Variants in JARID2 observed in about 807,000 individuals in gnomAD.
The protein encoded by JARID2 is jumonji and AT-rich interaction domain containing 2.
JARID2 carries 21 observed loss-of-function variants against 125.6 expected under a neutral mutation model. The ratio of observed to expected loss-of-function variants is 0.17; its 90% CI spans 0.12 to 0.24. The LOEUF (loss-of-function observed/expected upper bound fraction) is 0.24, where lower values mean the gene tolerates loss of function less well. JARID2 is among the 10% of genes least tolerant of loss of function. The pLI is 1.00. For missense variants in JARID2, 1,303 were observed against 1,639.6 expected (o/e 0.79, Z 3.55); for synonymous variants, 736 against 661.6 (o/e 1.11, Z -1.73).
intron 1 of JARID2, among the ~76,000 whole-genome samples, chr6:15,349,287 A>G (rs1763348247): frequency 6.6e-6 from 1 of 152,162 alleles, no homozygotes; most frequent in Non-Finnish European, 1.5e-5. Flanking sequence ...CTAAAGAAAA[A>G]TGTTCCATCT....
intron 3 of JARID2, among the ~76,000 whole-genome samples, chr6:15,448,942 GC>G (rs1767792529): frequency 6.6e-6 from 1 of 151,482 alleles, no homozygotes; most frequent in Non-Finnish European, 1.5e-5. Context: ...ATTGCTTTTT[GC>G]CCCCTTGTTC....
intron 3 of JARID2, among the ~76,000 whole-genome samples, chr6:15,416,725 G>T (rs1051666227): frequency 6.7e-6 from 1 of 150,346 alleles, no homozygotes; most frequent in African/African-American, 2.5e-5. Flanking sequence ...GGGAGAGGGG[G>T]GAGAGGGAGA....
intron 3 of JARID2, among the ~76,000 whole-genome samples, chr6:15,443,242 A>C (rs749140181): frequency 6.6e-6 from 1 of 152,128 alleles, no homozygotes; most frequent in Non-Finnish European, 1.5e-5. Context: ...TGGCTTCTTC[A>C]TGGATAGAGC....
chr6:15,417,931 C>A (rs1342361185), intron 3 of JARID2, among the ~76,000 whole-genome samples: 3 of 152,170 alleles, frequency 2.0e-5, no homozygotes, highest in Non-Finnish European at 4.4e-5. Flanking sequence ...TGATTTATAT[C>A]TTTCCTCTCT....
intron 4 of JARID2, 29 bp downstream of exon 4, chr6:15,452,204 C>G: frequency 1.2e-6 from 2 of 1,611,108 alleles, no homozygotes; most frequent in Non-Finnish European, 1.7e-6. Context: ...CGGCGGAGGT[C>G]TACGTGGAAT....
chr6:15,266,846 A>G (rs1298083227), intron 1 of JARID2, among the ~76,000 whole-genome samples: 11 of 152,328 alleles, frequency 7.2e-5, no homozygotes, highest in South Asian at 4.1e-4. Flanking sequence ...TGTAATAACA[A>G]TCAGGGCGCC....
chr6:15,416,385 C>T (rs1269341214), intron 3 of JARID2, among the ~76,000 whole-genome samples: 1 of 152,226 alleles, frequency 6.6e-6, no homozygotes, highest in Admixed American at 6.5e-5. Context: ...CACTGCACTC[C>T]AGCCTGGGCA....
chr6:15,334,144 G>T (rs934475625), intron 1 of JARID2, among the ~76,000 whole-genome samples: 11 of 152,206 alleles, frequency 7.2e-5, no homozygotes, highest in Admixed American at 2.6e-4. Context: ...TGAAGACACA[G>T]CAGCCTTCTC....
intron 1 of JARID2, among the ~76,000 whole-genome samples, chr6:15,362,488 G>A (rs970867479): frequency 1.2e-4 from 18 of 152,196 alleles, no homozygotes; most frequent in Non-Finnish European, 1.0e-4. Flanking sequence ...AGTAAACACT[G>A]GCATTTGTTT....
At chr6:15,362,873 A>T (rs1763849585) in intron 1 of JARID2, among the ~76,000 whole-genome samples, 1 of 152,238 alleles carries the variant, frequency 6.6e-6, no homozygotes, top group Non-Finnish European at 1.5e-5. Context: ...AGAGACAGAC[A>T]GGATTACCTG....
chr6:15,518,759 G>A (rs192525066), intron 17 of JARID2, among the ~76,000 whole-genome samples: 1 of 152,332 alleles, frequency 6.6e-6, no homozygotes, highest in East Asian at 1.9e-4. Context: ...TGGGATTACA[G>A]GCGTGAGCCA....
Position 15,496,591 on chromosome 6 carries a change from C to T in JARID2, c.1366C>T (p.Pro456Ser), listed in dbSNP as rs753647784. 6.9e-6 allele frequency: 11 copies of T among 1,601,494 alleles called. No homozygotes were observed. Among genetic ancestry groups the T allele is most frequent in the South Asian group, 2.2e-5 (2 of 90,012 alleles). ...EAHQAEKPQS[P>S]PKKMKGAAGP... ...ACACCAGGCGGAGAAGCCGCAGTCG[C>T]CCCCCAAGAAGATGAAAGGGGCGGC... Residue 456 changes from proline (P) to serine (S), a missense_variant, in exon 7 of 18, where the codon CCC becomes TCC. Pro to Ser is a moderately conservative substitution (Grantham distance 74). Around this residue, in one of 11 missense-constraint regions of JARID2, gnomAD observed 651 missense variants for 581.6 expected, o/e 1.12. Transcript: ENST00000341776.
chr6:15,291,001 G>A (rs1366420811), intron 1 of JARID2, among the ~76,000 whole-genome samples: 1 of 152,170 alleles, frequency 6.6e-6, no homozygotes, highest in Admixed American at 6.5e-5. Flanking sequence ...GGAGGCTGAG[G>A]CAGTGCGAGA....
chr6:15,460,510 TG>T (rs1299070569), intron 4 of JARID2, among the ~76,000 whole-genome samples: 1 of 152,228 alleles, frequency 6.6e-6, no homozygotes, highest in East Asian at 1.9e-4. Context: ...AGTGCTGTTT[TG>T]TTGGCCAAGC....
intron 2 of JARID2, chr6:15,400,844 G>A: frequency 7.8e-7 from 1 of 1,284,250 alleles, no homozygotes. Context: ...TACGTACAGG[G>A]GAGGATTGTT....
At chr6:15,509,176 C>A in intron 12 of JARID2, 1 of 1,280,154 alleles carries the variant, frequency 7.8e-7, no homozygotes, top group Middle Eastern at 2.4e-4. Context: ...TCCTGACTCT[C>A]ACTGCACCCA....
rs1031578621 is a variant in JARID2 at position 15,487,524 on chromosome 6, T to C, written c.888T>C (p.Ala296=). The stretch of plus-strand genomic sequence containing the variant: ...ACCACCCCCCTCTGCATCGGTCGGC[T>C]CAGGACTTACGGAAACAGGTAAAGT... The part of the protein sequence containing the change: ...THHHPPLHRS[A]QDLRKQVSKV... The change falls in exon 6 of 18, where the codon GCT becomes GCC. Residue 296 remains alanine (A), a synonymous_variant. Coordinates refer to ENST00000341776, the MANE Select transcript of JARID2 (RefSeq NM_004973.4). 8 of 1,609,314 alleles carry C rather than the reference T, an allele frequency of 5.0e-6. No homozygotes were observed. Among genetic ancestry groups the C allele is most frequent in the Non-Finnish European group, 5.9e-6 (7 of 1,176,600 alleles).
chr6:15,409,316 T>C lies in JARID2; in HGVS notation c.182-908T>C, dbSNP rs181833944. 4.4e-4 allele frequency among the ~76,000 whole-genome samples: 67 copies of C among 152,340 alleles called. No homozygotes were observed. In the East Asian group the frequency reaches 8.9e-3, roughly 20 times the overall value. ...GCTTCAAGATCAAGCACCGTAAAAC[T>C]GCAGATGCTGTGCTAGCAGTGCTGC... On this transcript the variant is annotated intron_variant, in intron 2 of 17. Coordinates refer to ENST00000341776, the MANE Select transcript of JARID2 (RefSeq NM_004973.4).
intron 1 of JARID2, among the ~76,000 whole-genome samples, chr6:15,249,667 T>A (rs1759362747): frequency 6.6e-6 from 1 of 152,194 alleles, no homozygotes; most frequent in Non-Finnish European, 1.5e-5. Context: ...TTCCCACAAT[T>A]GGTCTCAAAA....
Sources: gnomAD v4.1 joint callset for allele counts (sites outside exome capture counted in the v4.1 genomes callset) on GRCh38, gnomAD v4.1.1 for gene constraint, gnomAD v4.1.1 regional missense constraint, MANE v1.5 for transcripts, NCBI Gene and HGNC (gene_info 2026-07-23, HGNC 2026-07-21) for gene names.